CDH8: variants seen among roughly 807,000 people sequenced by gnomAD.
CDH8 encodes cadherin 8.
In CDH8, 17 loss-of-function variants were observed where a neutral mutation model predicts 68.1. The observed-to-expected ratio is 0.25, with a 90% CI of 0.17 to 0.37. The LOEUF is 0.37. CDH8 is among the 10% of genes least tolerant of loss of function. The pLI, the probability that CDH8 is intolerant of heterozygous loss-of-function variation, is 1.00. For missense variants in CDH8, 763 were observed against 999.3 expected (o/e 0.76, Z 3.19); for synonymous variants, 372 against 365.1 (o/e 1.02, Z -0.21).
At chr16:61,657,837 C>A (rs1567406469) in intron 10 of CDH8, among the ~76,000 whole-genome samples, 1 of 152,068 alleles carries the variant, frequency 6.6e-6, no homozygotes, top group African/African-American at 2.4e-5. Flanking sequence ...GAAACTGCAG[C>A]AGGAATATTG....
chr16:61,810,882 G>A (rs1281985537), intron 7 of CDH8, among the ~76,000 whole-genome samples: 1 of 151,854 alleles, frequency 6.6e-6, no homozygotes, highest in African/African-American at 2.4e-5. Context: ...AAATTAGCCG[G>A]GTATGGTGGT....
chr16:62,017,748 T>C (rs1901975887), intron 2 of CDH8, among the ~76,000 whole-genome samples: 1 of 152,178 alleles, frequency 6.6e-6, no homozygotes, highest in South Asian at 2.1e-4. Flanking sequence ...TTGTTGCTTC[T>C]GACCGAGGGA....
intron 3 of CDH8, among the ~76,000 whole-genome samples, chr16:61,881,008 C>T (rs1382092660): frequency 2.6e-5 from 4 of 152,074 alleles, no homozygotes; most frequent in African/African-American, 4.8e-5. Flanking sequence ...CAACCATCTA[C>T]CAAGATCTGA....
At chr16:61,875,242 T>C (rs531586382) in intron 3 of CDH8, among the ~76,000 whole-genome samples, 2 of 152,144 alleles carry the variant, frequency 1.3e-5, no homozygotes, top group African/African-American at 4.8e-5. Flanking sequence ...CAGAAGGTTG[T>C]ATCATGGCTC....
At chr16:61,837,109 C>T (rs1962585129) in intron 4 of CDH8, among the ~76,000 whole-genome samples, 1 of 151,870 alleles carries the variant, frequency 6.6e-6, no homozygotes, top group Admixed American at 6.6e-5. Flanking sequence ...CCTCTTTCCT[C>T]ACATTTATCT....
chr16:61,872,037 G>A (rs1296603008), intron 3 of CDH8, among the ~76,000 whole-genome samples: 1 of 152,018 alleles, frequency 6.6e-6, no homozygotes, highest in Non-Finnish European at 1.5e-5. Context: ...TGCTTATAAT[G>A]CAAATCTCTG....
chr16:61,993,071 C>G (rs773914605), intron 2 of CDH8, among the ~76,000 whole-genome samples: 28 of 152,168 alleles, frequency 1.8e-4, no homozygotes, highest in Admixed American at 6.5e-4. Context: ...AAGTGTGGGC[C>G]ACTGTGCCTG....
chr16:61,868,370 T>G (rs1467163360), intron 3 of CDH8, among the ~76,000 whole-genome samples: 1 of 152,206 alleles, frequency 6.6e-6, no homozygotes, highest in Non-Finnish European at 1.5e-5. Context: ...TTGGAAGATA[T>G]TCAGAGATTA....
At chr16:61,856,181 T>A (rs1381135652) in intron 4 of CDH8, among the ~76,000 whole-genome samples, 1 of 152,034 alleles carries the variant, frequency 6.6e-6, no homozygotes, top group Non-Finnish European at 1.5e-5. Context: ...AAGTCATGAA[T>A]CAAAGAAATA....
At chr16:61,787,898 A>C (rs1156995069) in intron 8 of CDH8, among the ~76,000 whole-genome samples, 3 of 118,490 alleles carry the variant, frequency 2.5e-5, no homozygotes, top group Non-Finnish European at 4.9e-5. Context: ...CAATGAGATC[A>C]CATGGACACA....
chr16:61,710,333 A>T (rs1316699814), intron 10 of CDH8, among the ~76,000 whole-genome samples: 1 of 152,038 alleles, frequency 6.6e-6, no homozygotes, highest in Non-Finnish European at 1.5e-5. Flanking sequence ...ACAGAAATCT[A>T]TCAGACAATG....
At chr16:61,881,227 T>C (rs1467807010) in intron 3 of CDH8, among the ~76,000 whole-genome samples, 1 of 152,186 alleles carries the variant, frequency 6.6e-6, no homozygotes, top group Non-Finnish European at 1.5e-5. Context: ...GTGACATTGC[T>C]ACACAGCAAT....
At chr16:61,741,122 T>C (rs1466137829) in intron 8 of CDH8, among the ~76,000 whole-genome samples, 2 of 152,148 alleles carry the variant, frequency 1.3e-5, no homozygotes, top group East Asian at 3.9e-4. Flanking sequence ...ATTTTAGGTA[T>C]ATCTCAATTT....
intron 2 of CDH8, among the ~76,000 whole-genome samples, chr16:61,929,431 A>G (rs1964506177): frequency 6.6e-6 from 1 of 152,060 alleles, no homozygotes; most frequent in Non-Finnish European, 1.5e-5. Context: ...TTCATTCTCA[A>G]CTATCTCAGA....
chr16:61,722,213 A>C (rs777760577), intron 9 of CDH8, among the ~76,000 whole-genome samples: 6 of 150,762 alleles, frequency 4.0e-5, no homozygotes, highest in Non-Finnish European at 8.9e-5. Flanking sequence ...GCACATGCCT[A>C]TTCTGTTGGC....
intron 5 of CDH8, among the ~76,000 whole-genome samples, chr16:61,822,893 C>A (rs1334089347): frequency 6.6e-6 from 1 of 151,880 alleles, no homozygotes; most frequent in Non-Finnish European, 1.5e-5. Flanking sequence ...CTATTCTGTG[C>A]CTGCTCCTCA....
At chr16:61,691,322 C>T (rs1336910225) in intron 10 of CDH8, among the ~76,000 whole-genome samples, 4 of 151,978 alleles carry the variant, frequency 2.6e-5, no homozygotes, top group Non-Finnish European at 5.9e-5. Flanking sequence ...TACCTATTTG[C>T]ACTATCAAGC....
chr16:61,933,042 A>C (rs1964570789), intron 2 of CDH8, among the ~76,000 whole-genome samples: 1 of 152,128 alleles, frequency 6.6e-6, no homozygotes. Flanking sequence ...AAAGGAAGTA[A>C]TATTGATCAA....
chr16:61,811,190 A>C (rs951628791), intron 7 of CDH8, among the ~76,000 whole-genome samples: 4 of 152,146 alleles, frequency 2.6e-5, no homozygotes, highest in Admixed American at 2.0e-4. Context: ...AATTGGACAA[A>C]ATGTCAGTCA....
Sources: gnomAD v4.1 joint callset for allele counts (sites outside exome capture counted in the v4.1 genomes callset) on GRCh38, gnomAD v4.1.1 for gene constraint, MANE v1.5 for transcripts, NCBI Gene and HGNC (gene_info 2026-07-23, HGNC 2026-07-21) for gene names.